COG5: variants seen among roughly 807,000 people sequenced by gnomAD.
COG5 encodes the protein conserved oligomeric Golgi complex subunit 5.
Under a neutral mutation model 110.4 loss-of-function variants are expected in COG5, and 86 were observed. The ratio of observed to expected loss-of-function variants is 0.78; its 90% CI spans 0.65 to 0.93. COG5 has a LOEUF of 0.93. Ranked by LOEUF, COG5 falls within the 40% of genes least tolerant of loss-of-function variation. The probability of loss-of-function intolerance (pLI) is 0.00; values close to 1 mark genes in which losing one functional copy is unlikely to be tolerated. For missense variants in COG5, 1,077 were observed against 987.0 expected, an observed-to-expected ratio of 1.09 and a Z score of -1.22; for synonymous variants, 360 against 334.6, an observed-to-expected ratio of 1.08 and a Z score of -0.83.
At chr7:107,563,312 C>A (rs1021541070) in intron 1 of COG5, among the ~76,000 whole-genome samples, 1 of 151,986 alleles carries the variant, frequency 6.6e-6, no homozygotes, top group Non-Finnish European at 1.5e-5. Flanking sequence ...AAAAAAAAAC[C>A]AGCCTGTAAG....
At chr7:107,547,903 T>C in intron 5 of COG5, 2 of 580,224 alleles carry the variant, frequency 3.4e-6, no homozygotes, top group South Asian at 2.3e-5. Context: ...AATAAACAAT[T>C]ATACACTGCA....
At chr7:107,421,717 G>C (rs1017054736) in intron 6 of COG5, among the ~76,000 whole-genome samples, 1 of 150,844 alleles carries the variant, frequency 6.6e-6, no homozygotes, top group African/African-American at 2.4e-5. Context: ...AGTGAGCTGA[G>C]ATTGCGCCAC....
chr7:107,270,421 C>A (rs1804157904), intron 14 of COG5, among the ~76,000 whole-genome samples: 1 of 152,078 alleles, frequency 6.6e-6, no homozygotes, highest in African/African-American at 2.4e-5. Flanking sequence ...GCCACCACAT[C>A]CTGCTAATTT....
chr7:107,426,117 C>T (rs1793626847), intron 6 of COG5, among the ~76,000 whole-genome samples: 3 of 152,120 alleles, frequency 2.0e-5, no homozygotes, highest in African/African-American at 7.2e-5. Context: ...TGATTTTGGA[C>T]TTCTAGCCTC....
intron 17 of COG5, among the ~76,000 whole-genome samples, chr7:107,241,169 T>C (rs1367374031): frequency 6.6e-6 from 1 of 152,182 alleles, no homozygotes; most frequent in Non-Finnish European, 1.5e-5. Context: ...AAATTAAAAG[T>C]ATGTGACCAC....
intron 5 of COG5, among the ~76,000 whole-genome samples, chr7:107,540,443 T>C (rs1251588918): frequency 6.6e-6 from 1 of 150,732 alleles, no homozygotes; most frequent in Non-Finnish European, 1.5e-5. Context: ...CTGGGCATGG[T>C]AGTGTGTGCC....
chr7:107,535,177 G>T (rs951800798), intron 5 of COG5, among the ~76,000 whole-genome samples: 1 of 151,678 alleles, frequency 6.6e-6, no homozygotes, highest in Non-Finnish European at 1.5e-5. Flanking sequence ...TCAGTGTTTA[G>T]AGGGAAATTT....
intron 14 of COG5, among the ~76,000 whole-genome samples, chr7:107,274,702 T>C (rs1804557831): frequency 1.3e-5 from 2 of 152,210 alleles, no homozygotes; most frequent in African/African-American, 4.8e-5. Context: ...AAATGCTTAC[T>C]GCGTGTCACC....
intron 7 of COG5, among the ~76,000 whole-genome samples, chr7:107,382,395 A>C (rs1815200460): frequency 6.6e-6 from 1 of 152,224 alleles, no homozygotes; most frequent in South Asian, 2.1e-4. Context: ...CACTTTATGC[A>C]AATAACCAGG....
At chr7:107,331,983 G>C (rs1471323282) in intron 10 of COG5, among the ~76,000 whole-genome samples, 1 of 151,908 alleles carries the variant, frequency 6.6e-6, no homozygotes, top group Non-Finnish European at 1.5e-5. Context: ...TGAGTAGCTG[G>C]GATTACAGGC....
intron 1 of COG5, among the ~76,000 whole-genome samples, chr7:107,560,013 G>C (rs1480445706): frequency 6.6e-6 from 1 of 152,212 alleles, no homozygotes; most frequent in Non-Finnish European, 1.5e-5. Context: ...TCAGCTTTAT[G>C]TTACAGAACA....
chr7:107,298,025 A>C (rs1453949442), intron 12 of COG5, 117 bp downstream of exon 12: 2 of 441,254 alleles, frequency 4.5e-6, no homozygotes, highest in African/African-American at 4.2e-5. Flanking sequence ...ATAAACTACA[A>C]ATATTTAGAG....
intron 17 of COG5, among the ~76,000 whole-genome samples, chr7:107,243,405 C>G (rs1801801948): frequency 2.0e-5 from 3 of 149,972 alleles, no homozygotes; most frequent in South Asian, 4.2e-4. Context: ...CCCAGCTACT[C>G]AGGAGGCTGA....
At chr7:107,504,742 C>A (rs1489310485) in intron 6 of COG5, among the ~76,000 whole-genome samples, 1 of 152,094 alleles carries the variant, frequency 6.6e-6, no homozygotes, top group Non-Finnish European at 1.5e-5. Context: ...TTGTATGTTT[C>A]CAGGAATTTA....
intron 10 of COG5, among the ~76,000 whole-genome samples, chr7:107,347,071 C>T (rs2129039120): frequency 6.6e-6 from 1 of 152,174 alleles, no homozygotes; most frequent in Non-Finnish European, 1.5e-5. Context: ...TATACCCAAG[C>T]AATGATTGCA....
At chr7:107,522,269 G>T (rs1422643190) in intron 6 of COG5, among the ~76,000 whole-genome samples, 1 of 152,230 alleles carries the variant, frequency 6.6e-6, no homozygotes. Flanking sequence ...AGGAGTTCAA[G>T]ATCAGCCTGA....
intron 8 of COG5, among the ~76,000 whole-genome samples, chr7:107,363,447 G>A (rs1329750356): frequency 6.6e-6 from 1 of 152,164 alleles, no homozygotes; most frequent in African/African-American, 2.4e-5. Flanking sequence ...AAATAATACT[G>A]ATGGTAATGA....
chr7:107,316,632 T>G (rs906423812), intron 11 of COG5, among the ~76,000 whole-genome samples: 28 of 122,824 alleles, frequency 2.3e-4, no homozygotes, highest in Admixed American at 4.3e-4. Context: ...GCTAACACAG[T>G]GAAACTCAGT....
chr7:107,470,495 T>C (rs1261209922), intron 6 of COG5: 1 of 152,118 alleles, frequency 6.6e-6, no homozygotes, highest in East Asian at 1.9e-4. Flanking sequence ...ACCGGCATAG[T>C]GGGGTAAAAA....
Sources: gnomAD v4.1 joint callset for allele counts (sites outside exome capture counted in the v4.1 genomes callset) on GRCh38, gnomAD v4.1.1 for gene constraint, MANE v1.5 for transcripts, NCBI Gene and HGNC (gene_info 2026-07-23, HGNC 2026-07-21) for gene names.